The following TARDBP variants were observed in gnomAD, a reference collection of about 807,000 sequenced individuals.
TARDBP encodes the protein TAR DNA-binding protein 43.
A neutral mutation model predicts 38.3 loss-of-function variants in TARDBP; 4 were observed. That is an observed-to-expected ratio of 0.10 (90% CI 0.05 to 0.24). TARDBP has a LOEUF of 0.24. TARDBP is among the 10% of genes least tolerant of loss of function. TARDBP has a pLI of 1.00. For missense variants in TARDBP, 202 were observed against 521.9 expected (o/e 0.39, Z 5.97); for synonymous variants, 184 against 183.8 (o/e 1.00, Z -0.01).
rs1643714137 is a variant in TARDBP at position 11,025,352 on chromosome 1, C to T, written c.*2698C>T. 1 of 152,052 alleles carries T rather than the reference C, an allele frequency of 6.6e-6. No homozygotes were observed. The highest frequency in any genetic ancestry group is 2.1e-4 in the South Asian group (1 of 4,830). The allele number at this position is 152,052 out of a possible 1,614,324, so 9.4% of individuals were successfully genotyped here. On this transcript the variant is annotated 3_prime_UTR_variant, in exon 6 of 6. Transcript: ENST00000240185. Reference sequence around the variant, plus strand: ...TGCATAGATACGGGTATTTATTTTACCCTAAGAAGATTTTGAAGTTTAAAA... The same window carrying T: ...TGCATAGATACGGGTATTTATTTTATCCTAAGAAGATTTTGAAGTTTAAAA...
At chr1:11,019,118 A>G (rs1643585265) in intron 4 of TARDBP, 1 of 535,934 alleles carries the variant, frequency 1.9e-6, no homozygotes, top group Non-Finnish European at 3.3e-6. Context: ...TGGATGGAAA[A>G]GAGAAAAGGT....
At chr1:11,019,707 C>T (rs1334902971) in intron 4 of TARDBP, among the ~76,000 whole-genome samples, 1 of 151,960 alleles carries the variant, frequency 6.6e-6, no homozygotes, top group Non-Finnish European at 1.5e-5. Context: ...GCTGGGACTA[C>T]AGGTGCCCAC....
intron 5 of TARDBP, among the ~76,000 whole-genome samples, chr1:11,021,248 C>T (rs1357959408): frequency 6.6e-6 from 1 of 151,828 alleles, no homozygotes; most frequent in Non-Finnish European, 1.5e-5. Flanking sequence ...AAGCGATTGT[C>T]TTGGCTCAGC....
chr1:11,019,378 AG>A (rs1383310545), intron 4 of TARDBP, among the ~76,000 whole-genome samples: 1 of 152,182 alleles, frequency 6.6e-6, no homozygotes, highest in Admixed American at 6.6e-5. Context: ...GTGGTCCCAT[AG>A]GATTATAACA....
At chr1:11,028,336 A>G (rs527413238), downstream of TARDBP, among the ~76,000 whole-genome samples, 7 of 152,322 alleles carry the variant, frequency 4.6e-5, no homozygotes, top group African/African-American at 7.2e-5. Context: ...CTGTTTTCCT[A>G]CTTGTAAAAT....
intron 1 of TARDBP, 83 bp from the exon 2 acceptor site, chr1:11,013,633 C>T (rs1643459050): frequency 2.5e-6 from 3 of 1,189,558 alleles, no homozygotes; most frequent in South Asian, 1.3e-5. Context: ...AGTCAGAACT[C>T]TGACATGGTT....
chr1:11,017,868 C>G (rs1014281151), intron 3 of TARDBP, among the ~76,000 whole-genome samples: 1 of 147,844 alleles, frequency 6.8e-6, no homozygotes, highest in Non-Finnish European at 1.5e-5. Flanking sequence ...GCGAACATAT[C>G]CAGACTCAGT....
intron 3 of TARDBP, among the ~76,000 whole-genome samples, chr1:11,017,214 T>A (rs1429837939): frequency 1.3e-5 from 2 of 150,810 alleles, no homozygotes; most frequent in African/African-American, 4.9e-5. Flanking sequence ...TTTTTTTTTT[T>A]TTTTTTGGAG....
chr1:11,020,286 A>T (rs1643610523), intron 4 of TARDBP, 143 bp from the exon 5 acceptor site: 1 of 926,442 alleles, frequency 1.1e-6, no homozygotes, highest in African/African-American at 1.7e-5. Flanking sequence ...AGAAATGCTG[A>T]TGGAAAAAAT....
At chr1:11,016,804 A>G (rs781238018) in intron 2 of TARDBP, 40 bp from the exon 3 acceptor site, 36 of 1,603,256 alleles carry the variant, frequency 2.2e-5, no homozygotes, top group Middle Eastern at 2.0e-4. Context: ...AAGAAGTGCT[A>G]AGTGAAGATT....
intron 3 of TARDBP, 76 bp from the exon 4 acceptor site, chr1:11,018,657 T>C: frequency 2.5e-6 from 4 of 1,605,352 alleles, no homozygotes; most frequent in Non-Finnish European, 3.4e-6. Flanking sequence ...CAAATTGTTT[T>C]CTAAGGAACT....
At chr1:11,014,513 C>A (rs1643476367) in intron 2 of TARDBP, among the ~76,000 whole-genome samples, 1 of 152,162 alleles carries the variant, frequency 6.6e-6, no homozygotes, top group South Asian at 2.1e-4. Context: ...CAAGGAAATA[C>A]CTAATTTCAG....
downstream of TARDBP, chr1:11,030,156 T>A: frequency 6.3e-7 from 1 of 1,577,630 alleles, no homozygotes; most frequent in Non-Finnish European, 8.7e-7. Context: ...ACCAGTCTCT[T>A]GTATAAATGT....
At position 11,016,842 on chromosome 1, in the gene TARDBP, A is replaced by G; in HGVS notation, c.239-2A>G. 6.2e-7 allele frequency: 1 copy of G among 1,613,932 alleles called. No individual in the cohort carries two copies. The highest frequency in any genetic ancestry group is 8.5e-7 in the Non-Finnish European group (1 of 1,180,002). The stretch of plus-strand genomic sequence containing the variant: ...TAAAAGGTTTCTGCTCGTTTTATTT[A>G]GATAACAAAAGAAAAATGGATGAGA... On this transcript the variant is annotated splice_acceptor_variant, in intron 2 of 5. Coordinates refer to ENST00000240185, the MANE Select transcript of TARDBP (RefSeq NM_007375.4). LOFTEE classifies it high-confidence loss of function.
At chr1:11,015,498 A>G (rs184443450) in intron 2 of TARDBP, 3 of 151,356 alleles carry the variant, frequency 2.0e-5, no homozygotes, top group African/African-American at 4.8e-5. Context: ...AAAATTTTTT[A>G]AATGTCATTT....
chr1:11,018,843 A>G lies in TARDBP; in HGVS notation c.513A>G (p.Arg171=), dbSNP rs751865832. Reference sequence around the variant, plus strand: ...CACAGCGACATATGATAGATGGACGATGGTGTGACTGCAAACTTCCTAATT... The same window carrying G: ...CACAGCGACATATGATAGATGGACGGTGGTGTGACTGCAAACTTCCTAATT... The part of the protein sequence containing the change: ...VMSQRHMIDG[R]WCDCKLPNSK... The change falls in exon 4 of 6, where the codon CGA becomes CGG. Residue 171 remains arginine (R), a synonymous_variant. Transcript: ENST00000240185. The G allele has an allele frequency of 1.9e-6, 3 of 1,614,178 alleles. No homozygotes were observed. In the East Asian group the frequency reaches 6.7e-5, roughly 36 times the overall value.
chr1:11,022,796 T>C lies in TARDBP; in HGVS notation c.*142T>C, dbSNP rs1643667051. On this transcript the variant is annotated 3_prime_UTR_variant, in exon 6 of 6. Transcript: ENST00000240185. The surrounding 1 kb of genome is among the most constrained non-coding windows in gnomAD (Gnocchi z 4.5). ...GTGTGGAGTATATTCAGCAGTATTT[T>C]TGACATTTTTCTTTAGAAAAAGGAA... 14 of 1,414,678 alleles carry C rather than the reference T, an allele frequency of 9.9e-6. No homozygotes were observed. The highest frequency in any genetic ancestry group is 1.2e-5 in the Non-Finnish European group (13 of 1,082,852). The allele number at this position is 1,414,678 out of a possible 1,614,324, so 87.6% of individuals were successfully genotyped here.
chr1:11,024,986 TC>T lies in TARDBP; in HGVS notation c.*2333del, dbSNP rs1298895156. The T allele has an allele frequency of 6.6e-6, 1 of 152,662 alleles. No homozygotes were observed. Among genetic ancestry groups the T allele is most frequent in the Non-Finnish European group, 1.5e-5 (1 of 68,042 alleles). The allele number at this position is 152,662 out of a possible 1,614,324, so 9.5% of individuals were successfully genotyped here. On this transcript the variant is annotated 3_prime_UTR_variant, in exon 6 of 6. Coordinates refer to ENST00000240185, the MANE Select transcript of TARDBP (RefSeq NM_007375.4). ...ATGAAGTCATCCTTTAGACTTGTAATCGCCACATTGTTTCATTATTCAGTTT... is the reference window on the plus strand; with the variant it reads ...ATGAAGTCATCCTTTAGACTTGTAATGCCACATTGTTTCATTATTCAGTTT...
chr1:11,027,039 G>C (rs1403031780), downstream of TARDBP: 2 of 1,595,424 alleles, frequency 1.3e-6, no homozygotes, highest in Admixed American at 1.7e-5. Context: ...AAACACCAGT[G>C]CCCCTCCGCT....
Sources: allele counts gnomAD v4.1 joint callset (sites outside exome capture counted in the v4.1 genomes callset), GRCh38; gene constraint gnomAD v4.1.1; non-coding constraint Gnocchi (gnomAD v3.1); transcripts MANE v1.5; gene names NCBI Gene and HGNC (gene_info 2026-07-23, HGNC 2026-07-21).